Variants in SYNE2 observed in about 807,000 individuals in gnomAD.
SYNE2 encodes nesprin-2.
Under a neutral mutation model 856.3 loss-of-function variants are expected in SYNE2, and 431 were observed. The observed-to-expected ratio is 0.50, with a 90% CI of 0.47 to 0.55. SYNE2 has a LOEUF of 0.55. SYNE2 is among the 20% of genes least tolerant of loss of function. The probability of loss-of-function intolerance (pLI) is 0.00; values close to 1 mark genes in which losing one functional copy is unlikely to be tolerated. For synonymous variants in SYNE2, 2,923 were observed against 2,872.3 expected (o/e 1.02, Z -0.56); for missense variants, 8,129 against 8,023.2 (o/e 1.01, Z -0.50).
chr14:64,126,486 C>T lies in SYNE2; in HGVS notation c.13707+7C>T, dbSNP rs761331493. On this transcript the variant is annotated splice_region_variant and intron_variant, in intron 72 of 115. Coordinates refer to ENST00000555002, the MANE Select transcript of SYNE2 (RefSeq NM_182914.3). ...CCAGCAGGTGCACTACGAGGTAGGGCACTTCTCACGAGCCCATGTGTTGGC... is the reference window on the plus strand; with the variant it reads ...CCAGCAGGTGCACTACGAGGTAGGGTACTTCTCACGAGCCCATGTGTTGGC... 6.2e-7 allele frequency: 1 copy of T among 1,614,120 alleles called. No homozygotes were observed. The highest frequency in any genetic ancestry group is 8.5e-7 in the Non-Finnish European group (1 of 1,179,998).
chr14:64,123,131 A>G (rs2097911113), intron 70 of SYNE2, among the ~76,000 whole-genome samples: 1 of 151,888 alleles, frequency 6.6e-6, no homozygotes, highest in African/African-American at 2.4e-5. Context: ...AAAACTATAC[A>G]GCGCTACAAT....
chr14:63,938,958 GC>G (rs1457288826), intron 2 of SYNE2, among the ~76,000 whole-genome samples: 2 of 152,138 alleles, frequency 1.3e-5, no homozygotes, highest in East Asian at 3.8e-4. Flanking sequence ...GTGCATGTGT[GC>G]GCTTGCATGT....
At chr14:64,172,087 G>C (rs1012786799) in intron 94 of SYNE2, among the ~76,000 whole-genome samples, 11 of 152,170 alleles carry the variant, frequency 7.2e-5, no homozygotes, top group Non-Finnish European at 1.5e-5. Context: ...CTGACCTCAG[G>C]TGATCCACCC....
intron 1 of SYNE2, among the ~76,000 whole-genome samples, chr14:63,847,016 C>T (rs1890247601): frequency 6.6e-6 from 1 of 151,546 alleles, no homozygotes; most frequent in Admixed American, 6.6e-5. Flanking sequence ...GAGACAAAGT[C>T]TTGCCGTGTT....
chr14:64,065,321 A>G (rs1216675044), intron 50 of SYNE2, 111 bp from the exon 51 acceptor site: 8 of 940,272 alleles, frequency 8.5e-6, no homozygotes, highest in Non-Finnish European at 1.3e-5. Flanking sequence ...GGATCATGCA[A>G]TACTTATGGA....
chr14:63,951,599 G>C (rs186364211), intron 7 of SYNE2, among the ~76,000 whole-genome samples: 2 of 152,196 alleles, frequency 1.3e-5, no homozygotes, highest in African/African-American at 4.8e-5. Context: ...CGCTGCTCCC[G>C]GCCCAGCCTT....
intron 81 of SYNE2, 143 bp from the exon 82 acceptor site, chr14:64,141,797 TTG>T: frequency 8.8e-7 from 1 of 1,141,574 alleles, no homozygotes; most frequent in Non-Finnish European, 1.2e-6. Flanking sequence ...TATTCTAAGT[TTG>T]AATGCTGGGT....
intron 109 of SYNE2, 100 bp downstream of exon 109, chr14:64,218,612 G>T: frequency 8.5e-7 from 1 of 1,171,236 alleles, no homozygotes; most frequent in South Asian, 1.3e-5. Context: ...TATACGATTC[G>T]CCAGAACTGG....
intron 2 of SYNE2, among the ~76,000 whole-genome samples, chr14:63,919,487 T>A (rs925279712): frequency 3.3e-5 from 5 of 152,114 alleles, no homozygotes; most frequent in Non-Finnish European, 4.4e-5. Context: ...AGAAGTCTAG[T>A]GTGGCTGGAT....
intron 78 of SYNE2, among the ~76,000 whole-genome samples, chr14:64,137,196 GTTTGTTTTGT>G (rs369391469): frequency 4.2e-4 from 64 of 152,028 alleles, no homozygotes; most frequent in Admixed American, 9.2e-4. Context: ...TGGTTGGTTG[GTTTGTTTTGT>G]TTTGTTTTGT....
intron 58 of SYNE2, among the ~76,000 whole-genome samples, chr14:64,089,050 T>G (rs2097584638): frequency 6.6e-6 from 1 of 152,108 alleles, no homozygotes; most frequent in Non-Finnish European, 1.5e-5. Context: ...TTGTACATAC[T>G]GCTTCATTTT....
intron 1 of SYNE2, among the ~76,000 whole-genome samples, chr14:63,803,039 G>A (rs1051674801): frequency 7.2e-5 from 11 of 152,214 alleles, no homozygotes; most frequent in African/African-American, 9.6e-5. Context: ...AATGGCTCAG[G>A]CAGCCTGCTT....
At chr14:64,098,904 A>G (rs1233039263) in intron 63 of SYNE2, 83 bp downstream of exon 63, 1 of 1,336,834 alleles carries the variant, frequency 7.5e-7, no homozygotes, top group East Asian at 2.4e-5. Context: ...AAGTGAATGG[A>G]AACCTAAGAA....
intron 1 of SYNE2, among the ~76,000 whole-genome samples, chr14:63,906,158 T>C (rs2095407184): frequency 6.6e-6 from 1 of 152,242 alleles, no homozygotes; most frequent in South Asian, 2.1e-4. Context: ...TAAAGCCTAA[T>C]TGATCGTGAT....
At chr14:64,080,900 T>C (rs1472090747) in intron 56 of SYNE2, among the ~76,000 whole-genome samples, 1 of 151,978 alleles carries the variant, frequency 6.6e-6, no homozygotes, top group East Asian at 1.9e-4. Context: ...AAGTCCAGGC[T>C]CCCCAACAGG....
intron 1 of SYNE2, among the ~76,000 whole-genome samples, chr14:63,813,925 C>T (rs1888718830): frequency 3.3e-5 from 5 of 152,086 alleles, no homozygotes; most frequent in South Asian, 2.1e-4. Context: ...TGTGGTGGCA[C>T]GTACCTGTAG....
At chr14:64,168,768 A>C in intron 92 of SYNE2, 109 bp from the exon 93 acceptor site, 4 of 763,136 alleles carry the variant, frequency 5.2e-6, no homozygotes, top group Non-Finnish European at 8.9e-6. Context: ...ATGAAAATTA[A>C]TTATCCCTCA....
rs960592741 is a variant in SYNE2, at chr14:64,188,976, C to G, written c.17871+268C>G. 1.0e-4 allele frequency: 73 copies of G among 702,276 alleles called. No individual in the cohort carries two copies. In the African/African-American group the frequency reaches 1.2e-3, roughly 11 times the overall value. The allele number at this position is 702,276 out of a possible 1,614,324, so 43.5% of individuals were successfully genotyped here. On this transcript the variant is annotated intron_variant, in intron 98 of 115. Coordinates refer to ENST00000555002, the MANE Select transcript of SYNE2 (RefSeq NM_182914.3). ...TTAGAAAGTTTCACCAGGGAAGGGG[C>G]TTACATATCCTTACATGTCAGCTGA...
At chr14:64,100,526 AAAAAAATATAT>A (rs1265013453) in intron 63 of SYNE2, among the ~76,000 whole-genome samples, 17 of 76,296 alleles carry the variant, frequency 2.2e-4, no homozygotes, top group Admixed American at 1.1e-3. Flanking sequence ...AAAAAAAAAA[AAAAAAATATAT>A]ATATATATAT....
Sources: allele counts gnomAD v4.1 joint callset (sites outside exome capture counted in the v4.1 genomes callset), GRCh38; gene constraint gnomAD v4.1.1; transcripts MANE v1.5; gene names NCBI Gene and HGNC (gene_info 2026-07-23, HGNC 2026-07-21).